Variants in PPP1R9B observed in about 807,000 individuals in gnomAD.
PPP1R9B encodes protein phosphatase 1 regulatory subunit 9B.
PPP1R9B carries 17 observed loss-of-function variants against 75.8 expected under a neutral mutation model. The ratio of observed to expected loss-of-function variants is 0.22; its 90% CI spans 0.15 to 0.34. PPP1R9B has a LOEUF of 0.34. Among genes scored for constraint, PPP1R9B ranks in the 10% least tolerant of loss-of-function variants. The pLI is 1.00. For synonymous variants in PPP1R9B, 509 were observed against 535.4 expected (o/e 0.95, Z 0.68); for missense variants, 875 against 1,196.0 (o/e 0.73, Z 3.96).
In PPP1R9B at chr17:50,150,584, G is replaced by T. The variant is rs1229972408; in HGVS notation, c.-71C>A. 8.0e-7 allele frequency: 1 copy of T among 1,250,512 alleles called. No homozygotes were observed. The highest frequency in any genetic ancestry group is 1.6e-5 in the African/African-American group (1 of 64,022). The allele number at this position is 1,250,512 out of a possible 1,614,324, so 77.5% of individuals were successfully genotyped here. On this transcript the variant is annotated 5_prime_UTR_variant, in exon 1 of 10. Transcript: ENST00000612501. This position sits in a 1 kb window ranked among gnomAD's most constrained non-coding sequence, Gnocchi z 8.7. Reference sequence around the variant, plus strand: ...CTTCAACAGGCGGCTGGCCAAGTCGGGACCACCGCCCCCTCCCCCCGATAA... The same window carrying T: ...CTTCAACAGGCGGCTGGCCAAGTCGTGACCACCGCCCCCTCCCCCCGATAA...
At chr17:50,145,067 G>A in intron 2 of PPP1R9B, 46 bp downstream of exon 2, 1 of 1,604,370 alleles carries the variant, frequency 6.2e-7, no homozygotes, top group Non-Finnish European at 8.5e-7. Context: ...TGAGACCCGG[G>A]TCAACCCCAG....
intron 3 of PPP1R9B, among the ~76,000 whole-genome samples, chr17:50,141,936 G>T (rs1185978363): frequency 6.6e-6 from 1 of 152,186 alleles, no homozygotes; most frequent in Non-Finnish European, 1.5e-5. Flanking sequence ...TGAGCGGTGT[G>T]ACATTCTCAG....
At position 50,149,740 on chromosome 17, in the gene PPP1R9B, C is replaced by G. The variant is rs1480198791; in HGVS notation, c.774G>C (p.Pro258=). 1.3e-5 allele frequency: 17 copies of G among 1,358,376 alleles called. No homozygotes were observed. In the Admixed American group the frequency reaches 5.5e-4, roughly 44 times the overall value. The allele number at this position is 1,358,376 out of a possible 1,614,324, so 84.1% of individuals were successfully genotyped here. A position where few individuals can be genotyped will look rare whatever the true frequency, so the allele number is the denominator to read the frequency against. ...SRVFQPPPPP[P]PAPSGDAPAE... ...CCGGGGCATCCCCCGACGGGGCGGG[C>G]GGCGGCGGCGGCGGGGGCTGGAACA... Residue 258 remains proline (P), a synonymous_variant, in exon 1 of 10, where the codon CCG becomes CCC. Transcript: ENST00000612501. The surrounding 1 kb of genome is among the most constrained non-coding windows in gnomAD (Gnocchi z 7.2).
chr17:50,142,742 C>CCTGG lies in PPP1R9B; in HGVS notation c.1625+852_1625+855dup, dbSNP rs950701085. Among the ~76,000 whole-genome samples, 1 of 152,148 alleles carries CCTGG rather than the reference C, an allele frequency of 6.6e-6. No individual in the cohort carries two copies. The highest frequency in any genetic ancestry group is 2.4e-5 in the African/African-American group (1 of 41,416). On this transcript the variant is annotated intron_variant, in intron 3 of 9. Transcript: ENST00000612501. This position sits in a 1 kb window ranked among gnomAD's most constrained non-coding sequence, Gnocchi z 4.1. Reference sequence around the variant, plus strand: ...GGAATACACAGCTAACACAGGGGTCCCTGGCTGGCACACAGCTCCAGGATG... The same window carrying CCTGG: ...GGAATACACAGCTAACACAGGGGTCCCTGGCTGGCTGGCACACAGCTCCAGGATG...
Position 50,149,286 on chromosome 17 carries a change from G to A in PPP1R9B, c.1228C>T (p.Leu410=), listed in dbSNP as rs920270270. 25 of 1,613,022 alleles carry A rather than the reference G, an allele frequency of 1.5e-5. No homozygotes were observed. Among genetic ancestry groups the A allele is most frequent in the Non-Finnish European group, 2.0e-5 (24 of 1,179,664 alleles). The change falls in exon 1 of 10, where the codon CTG becomes TTG. Residue 410 remains leucine, a synonymous_variant. Transcript: ENST00000612501. The surrounding 1 kb of genome is among the most constrained non-coding windows in gnomAD (Gnocchi z 7.2). ...TCGTCGTCTTCGTCGTCCTCCTCCA[G>A]GGCACTGCCCGCAGAGTCCTCCCCG... ...GLGEDSAGSA[L]EEDDEDDEED...
At chr17:50,148,076 C>A (rs1912562521) in intron 1 of PPP1R9B, among the ~76,000 whole-genome samples, 2 of 151,548 alleles carry the variant, frequency 1.3e-5, no homozygotes, top group South Asian at 4.2e-4. Flanking sequence ...AAGAACCCTG[C>A]AGGCTGAATG....
chr17:50,149,688 G>A lies in PPP1R9B; in HGVS notation c.826C>T (p.Gln276Ter). 7.0e-7 allele frequency: 1 copy of A among 1,437,460 alleles called. No homozygotes were observed. The highest frequency in any genetic ancestry group is 9.1e-7 in the Non-Finnish European group (1 of 1,102,776). The allele number at this position is 1,437,460 out of a possible 1,614,324, so 89.0% of individuals were successfully genotyped here. ...PAEKERCPAGQQPPQHRVAPA... is the reference protein window; with the variant it reads ...PAEKERCPAG ...GCCACTCGGTGCTGCGGGGGCTGCT[G>A]CCCTGCGGGGCATCGCTCTTTCTCG... Residue 276 changes from glutamine (Q) to a stop codon, truncating the protein, a stop_gained, in exon 1 of 10, where the codon CAG becomes TAG. Coordinates refer to ENST00000612501, the MANE Select transcript of PPP1R9B (RefSeq NM_032595.5). LOFTEE classifies it high-confidence loss of function. The surrounding 1 kb of genome is among the most constrained non-coding windows in gnomAD (Gnocchi z 7.2).
chr17:50,148,924 AG>A (rs1291897286), intron 1 of PPP1R9B, among the ~76,000 whole-genome samples: 1 of 151,588 alleles, frequency 6.6e-6, no homozygotes, highest in African/African-American at 2.4e-5. Flanking sequence ...ACCTGAGGGC[AG>A]GTCGGGGCAG....
chr17:50,146,578 G>A (rs1170262591), intron 1 of PPP1R9B, among the ~76,000 whole-genome samples: 3 of 152,210 alleles, frequency 2.0e-5, no homozygotes, highest in African/African-American at 4.8e-5. Context: ...CTGCCACAGT[G>A]GGAGAGGGAG....
rs1339882223 is a variant in PPP1R9B, at chr17:50,134,857, G to C, written c.*474C>G. 1.7e-5 allele frequency: 3 copies of C among 173,224 alleles called. No homozygotes were observed. The highest frequency in any genetic ancestry group is 1.7e-4 in the Admixed American group (3 of 17,664). The allele number at this position is 173,224 out of a possible 1,614,324, so 10.7% of individuals were successfully genotyped here. ...AATGCAACAGAGACGGCACAATGAT[G>C]GGGGGAGAGGGAAGGGCCGAGAAGG... On this transcript the variant is annotated 3_prime_UTR_variant, in exon 10 of 10. Coordinates refer to ENST00000612501, the MANE Select transcript of PPP1R9B (RefSeq NM_032595.5).
In PPP1R9B at chr17:50,150,183, G is replaced by A. The variant is rs1308541322; in HGVS notation, c.331C>T (p.Leu111=). The part of the protein sequence containing the change: ...LNENVDHSAL[L]KLGTSVSERV... ...TCCGACACGCTGGTGCCCAGCTTCA[G>A]CAGGGCGCTGTGGTCCACGTTCTCG... is the stretch of plus-strand genomic sequence containing the variant. The change falls in exon 1 of 10, where the codon CTG becomes TTG. Residue 111 remains leucine (L), a synonymous_variant. Transcript: ENST00000612501. This position sits in a 1 kb window ranked among gnomAD's most constrained non-coding sequence, Gnocchi z 8.7. 1.4e-6 allele frequency: 2 copies of A among 1,457,602 alleles called. No individual in the cohort carries two copies. The highest frequency in any genetic ancestry group is 1.8e-6 in the Non-Finnish European group (2 of 1,106,246). 90.3% of individuals were successfully genotyped at this position (1,457,602 alleles called of 1,614,324 possible).
intron 7 of PPP1R9B, among the ~76,000 whole-genome samples, chr17:50,138,984 T>C (rs1912299626): frequency 6.6e-6 from 1 of 152,248 alleles, no homozygotes; most frequent in Non-Finnish European, 1.5e-5. Context: ...ACGTGTGTTA[T>C]CTCATTTAAT....
In PPP1R9B at chr17:50,150,225, G is replaced by A. The variant is rs1912658790; in HGVS notation, c.289C>T (p.Arg97Trp). 5 of 1,444,280 alleles carry A rather than the reference G, an allele frequency of 3.5e-6. No homozygotes were observed. The highest frequency in any genetic ancestry group is 3.7e-6 in the Non-Finnish European group (4 of 1,093,498). 89.5% of individuals were successfully genotyped at this position (1,444,280 alleles called of 1,614,324 possible). A position where few individuals can be genotyped will look rare whatever the true frequency, so the allele number is the denominator to read the frequency against. The stretch of plus-strand genomic sequence containing the variant: ...ACGTTCTCGTTCAGGCTGCTGGCCC[G>A]CGGCAGCGACAGGCGCACGCCGCGC... Reference protein sequence around the residue: ...SERGVRLSLPRASSLNENVDH... With the variant: ...SERGVRLSLPWASSLNENVDH... Residue 97 changes from arginine to tryptophan, a missense_variant, in exon 1 of 10, where the codon CGG becomes TGG. Around this residue, in one of 4 missense-constraint regions of PPP1R9B, gnomAD observed 145 missense variants for 226.1 expected, o/e 0.64. Coordinates refer to ENST00000612501, the MANE Select transcript of PPP1R9B (RefSeq NM_032595.5). The surrounding 1 kb of genome is among the most constrained non-coding windows in gnomAD (Gnocchi z 8.7).
intron 7 of PPP1R9B, among the ~76,000 whole-genome samples, chr17:50,138,104 G>A (rs1310625741): frequency 1.3e-5 from 2 of 152,180 alleles, no homozygotes; most frequent in Non-Finnish European, 2.9e-5. Flanking sequence ...CTGCATGCCT[G>A]TGAGGGTGCT....
At position 50,142,643 on chromosome 17, in the gene PPP1R9B, C is replaced by T. The variant is rs1365077187; in HGVS notation, c.1625+955G>A. Among the ~76,000 whole-genome samples, 1 of 152,116 alleles carries T rather than the reference C, an allele frequency of 6.6e-6. No homozygotes were observed. Among genetic ancestry groups the T allele is most frequent in the African/African-American group, 2.4e-5 (1 of 41,418 alleles). On this transcript the variant is annotated intron_variant, in intron 3 of 9. Transcript: ENST00000612501. The surrounding 1 kb of genome is among the most constrained non-coding windows in gnomAD (Gnocchi z 4.1). ...TGGAGGTACCACCACAAGAGATCCC[C>T]AATGTCACCTCTAACTTACAGCCAC...
rs576908550 is a variant in PPP1R9B, at chr17:50,141,292, G to A, written c.1707C>T (p.Leu569=). 1.3e-6 allele frequency: 2 copies of A among 1,587,454 alleles called. No individual in the cohort carries two copies. The highest frequency in any genetic ancestry group is 1.7e-6 in the Non-Finnish European group (2 of 1,167,832). The change falls in exon 4 of 10, where the codon CTC becomes CTT. Residue 569 remains leucine (L), a synonymous_variant. Transcript: ENST00000612501. ...GVTQSFAASV[L]RNTKGRVRFM... ...ACCGCACTCGGCCCTTGGTGTTCCG[G>A]AGCACAGACGCCGCGAAGCTCTGGG...
rs1298574075 is a variant in PPP1R9B, at chr17:50,133,947, G to A, written c.*1384C>T. 1 of 152,708 alleles carries A rather than the reference G, an allele frequency of 6.5e-6. No individual in the cohort carries two copies. Among genetic ancestry groups the A allele is most frequent in the Non-Finnish European group, 1.5e-5 (1 of 68,074 alleles). 9.5% of individuals were successfully genotyped at this position (152,708 alleles called of 1,614,324 possible). On this transcript the variant is annotated 3_prime_UTR_variant, in exon 10 of 10. Transcript: ENST00000612501. ...GGGTGAAGTGCGCGAGCCCAGGACT[G>A]AGACAGCCAGCTCCTTCAGGGGATG... is the stretch of plus-strand genomic sequence containing the variant.
At chr17:50,145,697 G>A (rs541092268) in intron 1 of PPP1R9B, among the ~76,000 whole-genome samples, 1 of 151,990 alleles carries the variant, frequency 6.6e-6, no homozygotes, top group Non-Finnish European at 1.5e-5. Context: ...AGGGGAGAGA[G>A]GATGGAGAAG....
rs1912579839 is a variant in PPP1R9B, at chr17:50,148,505, G to A, written c.1371+638C>T. On this transcript the variant is annotated intron_variant, in intron 1 of 9. Coordinates refer to ENST00000612501, the MANE Select transcript of PPP1R9B (RefSeq NM_032595.5). ...GAGGACCGGGCAGCTGGCCTGCAGG[G>A]ACCCCCAGGGAACACGGCGCCAGCC... 2.0e-5 allele frequency among the ~76,000 whole-genome samples: 3 copies of A among 152,228 alleles called. No homozygotes were observed. The South Asian group carries it at 6.2e-4, about 31-fold the overall frequency.
Sources: gnomAD v4.1 joint callset for allele counts (sites outside exome capture counted in the v4.1 genomes callset) on GRCh38, gnomAD v4.1.1 for gene constraint, gnomAD v4.1.1 regional missense constraint, Gnocchi (gnomAD v3.1) non-coding constraint, MANE v1.5 for transcripts, NCBI Gene and HGNC (gene_info 2026-07-23, HGNC 2026-07-21) for gene names.